CEACAM21: variants seen among roughly 807,000 people sequenced by gnomAD.
CEACAM21 encodes the protein CEA cell adhesion molecule 21.
In CEACAM21, 38 loss-of-function variants were observed where a neutral mutation model predicts 33.2. The observed-to-expected ratio is 1.14, with a 90% CI of 0.88 to 1.50. The LOEUF (loss-of-function observed/expected upper bound fraction) is 1.50. Ranked by LOEUF, CEACAM21 falls within the 40% of genes most tolerant of loss-of-function variation. CEACAM21 has a pLI of 0.00. For missense variants in CEACAM21, 385 were observed against 364.6 expected (o/e 1.06, Z -0.46); for synonymous variants, 156 against 143.0 (o/e 1.09, Z -0.65).
chr19:41,574,656 A>G (rs1370522372), upstream of CEACAM21, among the ~76,000 whole-genome samples: 2 of 152,210 alleles, frequency 1.3e-5, no homozygotes, highest in East Asian at 3.8e-4. Context: ...CACACCTACT[A>G]GAATGGCTAT....
At chr19:41,569,791 A>G (rs991921327) in intron 2 of CEACAM21, among the ~76,000 whole-genome samples, 1 of 152,112 alleles carries the variant, frequency 6.6e-6, no homozygotes, top group Admixed American at 6.6e-5. Context: ...AACTCCAGCC[A>G]CCCCGCCTAC....
intron 1 of CEACAM21, among the ~76,000 whole-genome samples, 182 bp downstream of exon 1, chr19:41,576,520 C>G (rs1197025623): frequency 6.4e-4 from 97 of 151,554 alleles, no homozygotes; most frequent in Admixed American, 6.4e-3. Context: ...GCAAAACAAT[C>G]TCAGTTGGTC....
At chr19:41,570,322 G>C (rs1372882992) in intron 2 of CEACAM21, among the ~76,000 whole-genome samples, 1 of 152,116 alleles carries the variant, frequency 6.6e-6, no homozygotes, top group African/African-American at 2.4e-5. Flanking sequence ...AAAGGCTGTC[G>C]CTCCTAATAT....
At chr19:41,573,392 C>T (rs1413391405), upstream of CEACAM21, among the ~76,000 whole-genome samples, 1 of 152,192 alleles carries the variant, frequency 6.6e-6, no homozygotes, top group Non-Finnish European at 1.5e-5. Flanking sequence ...ACAGTCAGGC[C>T]TTCCAGATGC....
chr19:41,554,664 T>G (rs2041432088), intron 1 of CEACAM21, among the ~76,000 whole-genome samples: 1 of 152,006 alleles, frequency 6.6e-6, no homozygotes, highest in Non-Finnish European at 1.5e-5. Flanking sequence ...CTGATAGACA[T>G]ATTTACCCAA....
chr19:41,582,453 G>T (rs1405893566), intron 3 of CEACAM21, among the ~76,000 whole-genome samples: 1 of 152,190 alleles, frequency 6.6e-6, no homozygotes, highest in Non-Finnish European at 1.5e-5. Context: ...TCTGTGTCGG[G>T]GTTCCAACCC....
rs562373708 is a variant in CEACAM21 at position 41,579,610 on chromosome 19, C to T, written c.682C>T (p.Leu228Phe). ...NPVSSNRSDP[L>F]KLTVKSDDNT... Reference sequence around the variant, plus strand: ...AGTCAGCTCCAACAGGAGCGACCCCCTCAAGCTGACTGTAAAATGTGAGTG... The same window carrying T: ...AGTCAGCTCCAACAGGAGCGACCCCTTCAAGCTGACTGTAAAATGTGAGTG... Residue 228 changes from leucine (L) to phenylalanine (F), a missense_variant, in exon 3 of 7, where the codon CTC (leucine) becomes TTC (phenylalanine). Coordinates refer to ENST00000401445, the MANE Select transcript of CEACAM21 (RefSeq NM_001098506.4). 4 of 1,560,792 alleles carry T rather than the reference C, an allele frequency of 2.6e-6. No homozygotes were observed. The highest frequency in any genetic ancestry group is 3.5e-6 in the Non-Finnish European group (4 of 1,151,356).
chr19:41,560,205 A>G (rs1001261990), intron 1 of CEACAM21, among the ~76,000 whole-genome samples: 6 of 152,182 alleles, frequency 3.9e-5, no homozygotes, highest in South Asian at 2.1e-4. Context: ...TAGCTCTTTT[A>G]TCTTTTCCTT....
At chr19:41,552,112 G>A (rs1231864836) in intron 1 of CEACAM21, 1 of 152,140 alleles carries the variant, frequency 6.6e-6, no homozygotes, top group African/African-American at 2.4e-5. Context: ...GTATGTCTAC[G>A]TGTCAGTGTG....
At chr19:41,572,582 G>A (rs79174422), upstream of CEACAM21, among the ~76,000 whole-genome samples, 951 of 152,240 alleles carry the variant, frequency 6.2e-3, 7 homozygotes, top group Non-Finnish European at 9.9e-3. Context: ...AATATTGAGT[G>A]CTTGGTGAGT....
intron 2 of CEACAM21, 154 bp from the exon 3 acceptor site, chr19:41,579,199 T>C (rs968663858): frequency 2.3e-5 from 29 of 1,251,950 alleles, no homozygotes; most frequent in Non-Finnish European, 2.9e-5. Flanking sequence ...TAGTCCCTAC[T>C]GCTCGCTGCT....
chr19:41,586,562 G>C lies in CEACAM21; in HGVS notation c.*99G>C. ...TGGGAGCTGCTCCTGTGGGTTGATG[G>C]AGCGTCCCTGAAGCCCCCAGCCCTG... On this transcript the variant is annotated 3_prime_UTR_variant, in exon 7 of 7. Transcript: ENST00000401445. 1 of 621,534 alleles carries C rather than the reference G, an allele frequency of 1.6e-6. No individual in the cohort carries two copies. Among genetic ancestry groups the C allele is most frequent in the South Asian group, 1.4e-5 (1 of 73,282 alleles). The allele number at this position is 621,534 out of a possible 1,614,324, so 38.5% of individuals were successfully genotyped here. A position where few individuals can be genotyped will look rare whatever the true frequency, so the allele number is the denominator to read the frequency against.
rs547692243 is a variant in CEACAM21, at chr19:41,581,871, T to C, written c.700+2243T>C. ...GGTGAAGAAGAGCCAAACCATGTCA[T>C]TCCACCCGACCCCTCCCAAATCTCA... On this transcript the variant is annotated intron_variant, in intron 3 of 6. Coordinates refer to ENST00000401445, the MANE Select transcript of CEACAM21 (RefSeq NM_001098506.4). Among the ~76,000 whole-genome samples the C allele has an allele frequency of 5.3e-5, 8 of 152,284 alleles. No homozygotes were observed. In the East Asian group the frequency reaches 1.3e-3, roughly 26 times the overall value.
At chr19:41,551,254 G>C (rs191183489) in intron 1 of CEACAM21, 93 of 149,728 alleles carry the variant, frequency 6.2e-4, no homozygotes, top group African/African-American at 2.2e-3. Flanking sequence ...CTGTCTCCCA[G>C]GTTTAAGTGA....
At chr19:41,563,518 A>T (rs962862042) in intron 1 of CEACAM21, among the ~76,000 whole-genome samples, 3 of 152,260 alleles carry the variant, frequency 2.0e-5, no homozygotes, top group Non-Finnish European at 4.4e-5. Context: ...AAGGTCGCAC[A>T]TGCAGAAGAG....
At chr19:41,554,084 G>A (rs2041391748) in intron 1 of CEACAM21, among the ~76,000 whole-genome samples, 1 of 151,998 alleles carries the variant, frequency 6.6e-6, no homozygotes, top group South Asian at 2.1e-4. Context: ...CAAAGGATCA[G>A]CAACGTTTTA....
At chr19:41,571,458 A>G (rs2042607466), upstream of CEACAM21, among the ~76,000 whole-genome samples, 1 of 152,190 alleles carries the variant, frequency 6.6e-6, no homozygotes, top group African/African-American at 2.4e-5. Context: ...AAAGTGGGAC[A>G]TGGGGGATCC....
Position 41,582,891 on chromosome 19 carries a change from G to T in CEACAM21, c.701-1456G>T, listed in dbSNP as rs1399599683. Among the ~76,000 whole-genome samples, 5 of 152,282 alleles carry T rather than the reference G, an allele frequency of 3.3e-5. No homozygotes were observed. In the Middle Eastern group the frequency reaches 0.014, roughly 414 times the overall value. ...CCATTGTCTTGGGGATTAACATTTTGCTCTTCATTGTTTATGCACATTTCT... is the reference window on the plus strand; with the variant it reads ...CCATTGTCTTGGGGATTAACATTTTTCTCTTCATTGTTTATGCACATTTCT... On this transcript the variant is annotated intron_variant, in intron 3 of 6. Coordinates refer to ENST00000401445, the MANE Select transcript of CEACAM21 (RefSeq NM_001098506.4).
At chr19:41,572,553 C>G (rs1555789773), upstream of CEACAM21, among the ~76,000 whole-genome samples, 3 of 152,182 alleles carry the variant, frequency 2.0e-5, no homozygotes, top group Non-Finnish European at 4.4e-5. Flanking sequence ...CTTCTGCTCT[C>G]TCGCCCAATG....
Sources: gnomAD v4.1 joint callset for allele counts (sites outside exome capture counted in the v4.1 genomes callset) on GRCh38, gnomAD v4.1.1 for gene constraint, MANE v1.5 for transcripts, NCBI Gene and HGNC (gene_info 2026-07-23, HGNC 2026-07-21) for gene names.